CACNA2D3: variants seen among roughly 807,000 people sequenced by gnomAD.
The protein encoded by CACNA2D3 is calcium voltage-gated channel auxiliary subunit alpha2delta 3, also known as voltage-dependent calcium channel subunit alpha-2/delta-3.
In CACNA2D3, 60 loss-of-function variants were observed where a neutral mutation model predicts 160.6. The observed-to-expected ratio is 0.37, with a 90% CI of 0.30 to 0.46. CACNA2D3 has a LOEUF of 0.46. Among genes scored for constraint, CACNA2D3 ranks in the 20% least tolerant of loss-of-function variants. The pLI, the probability that CACNA2D3 is intolerant of heterozygous loss-of-function variation, is 1.00. For synonymous variants in CACNA2D3, 558 were observed against 492.9 expected (o/e 1.13, Z -1.75); for missense variants, 1,205 against 1,365.0 (o/e 0.88, Z 1.85).
intron 12 of CACNA2D3, among the ~76,000 whole-genome samples, chr3:54,762,775 A>G (rs185667105): frequency 2.6e-5 from 4 of 152,338 alleles, no homozygotes; most frequent in Admixed American, 6.5e-5. Flanking sequence ...CAGCATGGTG[A>G]GAATGTTTCT....
intron 3 of CACNA2D3, among the ~76,000 whole-genome samples, chr3:54,331,870 A>G (rs1160430498): frequency 6.6e-6 from 1 of 152,192 alleles, no homozygotes; most frequent in Non-Finnish European, 1.5e-5. Context: ...ATTCATGTAA[A>G]TAATTCCCAG....
chr3:54,601,398 G>A (rs1703057593), intron 9 of CACNA2D3, among the ~76,000 whole-genome samples: 1 of 152,048 alleles, frequency 6.6e-6, no homozygotes. Flanking sequence ...TATAGAAACG[G>A]GGTCCTGCTG....
rs567368370 is a variant in CACNA2D3, at chr3:54,464,580, A to T, written c.382-38912A>T. Among the ~76,000 whole-genome samples, 23 of 152,256 alleles carry T rather than the reference A, an allele frequency of 1.5e-4. No individual in the cohort carries two copies. The East Asian group carries it at 1.6e-3, about 10-fold the overall frequency. On this transcript the variant is annotated intron_variant, in intron 4 of 37. Coordinates refer to ENST00000474759, the MANE Select transcript of CACNA2D3 (RefSeq NM_018398.3). ...CGTGGGCGTAGGACCCTCCGAGCCA[A>T]GTGCGGGATATAATCTCCTGGTGTG...
rs371667229 is a variant in CACNA2D3 at position 55,005,132 on chromosome 3, C to T, written c.2766+294C>T. ...CTCTACTAAAAATACAAAAATTAGC[C>T]AGGCGTGGTGGCGTGTGCCTATAAT... On this transcript the variant is annotated intron_variant, in intron 32 of 37. Transcript: ENST00000474759. 7.2e-5 allele frequency among the ~76,000 whole-genome samples: 11 copies of T among 152,044 alleles called. No homozygotes were observed. In the East Asian group the frequency reaches 1.2e-3, roughly 16 times the overall value.
chr3:54,528,952 G>C (rs186117785), intron 5 of CACNA2D3, among the ~76,000 whole-genome samples: 2 of 152,346 alleles, frequency 1.3e-5, no homozygotes, highest in African/African-American at 4.8e-5. Context: ...AGTCTTGCCT[G>C]TGTCAGGGAG....
At chr3:55,043,293 C>T (rs1458433966) in intron 35 of CACNA2D3, among the ~76,000 whole-genome samples, 1 of 151,888 alleles carries the variant, frequency 6.6e-6, no homozygotes, top group Non-Finnish European at 1.5e-5. Context: ...TTCCTTCCTT[C>T]CTTCCTTCCT....
intron 4 of CACNA2D3, among the ~76,000 whole-genome samples, chr3:54,391,585 A>G (rs898637144): frequency 1.7e-4 from 25 of 151,012 alleles, no homozygotes; most frequent in African/African-American, 5.4e-4. Flanking sequence ...ATCTCAGCTC[A>G]CTATAACCTG....
intron 3 of CACNA2D3, among the ~76,000 whole-genome samples, chr3:54,339,476 G>T (rs886107153): frequency 4.6e-5 from 7 of 151,888 alleles, no homozygotes; most frequent in Non-Finnish European, 8.8e-5. Context: ...TTTCTTCATA[G>T]AACTCGTCAG....
intron 27 of CACNA2D3, among the ~76,000 whole-genome samples, chr3:54,901,514 G>C (rs1408469228): frequency 6.6e-6 from 1 of 152,190 alleles, no homozygotes; most frequent in Non-Finnish European, 1.5e-5. Context: ...TGCTATGCCA[G>C]TCTATTGTCG....
At chr3:54,491,611 G>C (rs1049726070) in intron 4 of CACNA2D3, among the ~76,000 whole-genome samples, 7 of 152,182 alleles carry the variant, frequency 4.6e-5, no homozygotes, top group African/African-American at 1.7e-4. Context: ...GAGGGAACCA[G>C]AGCAGAGTTC....
intron 4 of CACNA2D3, among the ~76,000 whole-genome samples, chr3:54,480,179 AC>A (rs1282296856): frequency 6.6e-6 from 1 of 152,162 alleles, no homozygotes; most frequent in African/African-American, 2.4e-5. Context: ...CCCTGTCTCT[AC>A]AAAAAAAAAG....
intron 3 of CACNA2D3, among the ~76,000 whole-genome samples, chr3:54,377,660 G>C (rs1375647820): frequency 2.0e-5 from 3 of 152,172 alleles, no homozygotes; most frequent in Non-Finnish European, 4.4e-5. Flanking sequence ...GTTAAGACTT[G>C]CCCAGAGTCA....
intron 2 of CACNA2D3, among the ~76,000 whole-genome samples, chr3:54,156,071 C>T (rs963228960): frequency 4.6e-5 from 7 of 152,172 alleles, no homozygotes; most frequent in Admixed American, 2.6e-4. Context: ...AGCTAGAAGA[C>T]AGCTTCATGA....
chr3:54,658,402 T>C (rs948830241), intron 11 of CACNA2D3, among the ~76,000 whole-genome samples: 3 of 152,238 alleles, frequency 2.0e-5, no homozygotes, highest in African/African-American at 7.2e-5. Flanking sequence ...CATTGTGGTT[T>C]TGATTTGCAT....
rs187667176 is a variant in CACNA2D3 at position 54,155,221 on chromosome 3, A to T, written c.204+31627A>T. On this transcript the variant is annotated intron_variant, in intron 2 of 37. Coordinates refer to ENST00000474759, the MANE Select transcript of CACNA2D3 (RefSeq NM_018398.3). ...AGGCTATGCTGTGGTAGTAAGTACA[A>T]CATTGAAATCTTGTGACTTACCCCA... Among the ~76,000 whole-genome samples the T allele has an allele frequency of 1.8e-3, 270 of 152,314 alleles. 1 individual carries two copies. The highest frequency in any genetic ancestry group is 6.3e-3 in the African/African-American group (260 of 41,580).
In CACNA2D3 at chr3:54,123,689, A is replaced by G. The variant is rs114218694; in HGVS notation, c.204+95A>G. On this transcript the variant is annotated intron_variant, in intron 2 of 37. Coordinates refer to ENST00000474759, the MANE Select transcript of CACNA2D3 (RefSeq NM_018398.3). ...CAAACAAACGTGAGCCCCGAGCAGC[A>G]TCAGTTATCGGAGGACTCTCTGATC... 9,697 of 985,862 alleles carry G rather than the reference A, an allele frequency of 9.8e-3. 110 individuals carry two copies. Among genetic ancestry groups the G allele is most frequent in the South Asian group, 0.032 (2,500 of 77,784 alleles). 61.1% of individuals were successfully genotyped at this position (985,862 alleles called of 1,614,324 possible).
chr3:54,972,161 A>G (rs1702289075), intron 29 of CACNA2D3, among the ~76,000 whole-genome samples: 1 of 152,150 alleles, frequency 6.6e-6, no homozygotes, highest in African/African-American at 2.4e-5. Flanking sequence ...CACTGCTAAC[A>G]ATGTTCTTTT....
chr3:54,277,395 G>A (rs1487207042), intron 2 of CACNA2D3, among the ~76,000 whole-genome samples: 3 of 152,094 alleles, frequency 2.0e-5, no homozygotes. Context: ...ATCCTTTCCC[G>A]ATTGCTTGTT....
intron 11 of CACNA2D3, among the ~76,000 whole-genome samples, chr3:54,652,629 C>T (rs900776931): frequency 1.3e-5 from 2 of 151,838 alleles, no homozygotes; most frequent in African/African-American, 4.8e-5. Context: ...GTATGAGGAG[C>T]AGGAGGAAGT....
Sources: gnomAD v4.1 joint callset for allele counts (sites outside exome capture counted in the v4.1 genomes callset) on GRCh38, gnomAD v4.1.1 for gene constraint, MANE v1.5 for transcripts, NCBI Gene and HGNC (gene_info 2026-07-23, HGNC 2026-07-21) for gene names.